The following TENM3 variants were observed in gnomAD, a reference collection of about 807,000 sequenced individuals.
TENM3 encodes teneurin transmembrane protein 3, also known as teneurin-3.
TENM3 carries 63 observed loss-of-function variants against 255.1 expected under a neutral mutation model. The ratio of observed to expected loss-of-function variants is 0.25; its 90% CI spans 0.20 to 0.30. The LOEUF is 0.30. TENM3 is among the 10% of genes least tolerant of loss of function. The probability of loss-of-function intolerance (pLI) is 1.00; values close to 1 mark genes in which losing one functional copy is unlikely to be tolerated. For synonymous variants in TENM3, 1,306 were observed against 1,322.3 expected (o/e 0.99, Z 0.27); for missense variants, 2,929 against 3,461.1 (o/e 0.85, Z 3.86).
At chr4:182,703,144 T>G (rs998104654) in intron 12 of TENM3, among the ~76,000 whole-genome samples, 10 of 152,240 alleles carry the variant, frequency 6.6e-5, no homozygotes, top group African/African-American at 2.4e-4. Flanking sequence ...AATTTTTATG[T>G]GTTGAAAATA....
At chr4:181,818,224 T>C in the TENM3 span, among the ~76,000 whole-genome samples, 1 of 152,226 alleles carries the variant, frequency 6.6e-6, no homozygotes, top group African/African-American at 2.4e-5. Context: ...ATTCTAGGTG[T>C]TACCATGAAG....
At chr4:181,857,315 G>C in the TENM3 span, among the ~76,000 whole-genome samples, 1 of 148,882 alleles carries the variant, frequency 6.7e-6, no homozygotes, top group African/African-American at 2.5e-5. Flanking sequence ...AAAGACAGAC[G>C]TCAGAGGGAA....
At chr4:181,652,321 A>G in the TENM3 span, among the ~76,000 whole-genome samples, 2 of 152,270 alleles carry the variant, frequency 1.3e-5, no homozygotes, top group Admixed American at 1.3e-4. Flanking sequence ...ACAATAAGAT[A>G]TACAGGCTAT....
rs560273988 is a variant in TENM3 at position 182,561,241 on chromosome 4, A to G, written c.512-39683A>G. On this transcript the variant is annotated intron_variant, in intron 3 of 27. Transcript: ENST00000511685. ...GCTCTGTAAATTTATTAAAAATTGT[A>G]TTTATGAATTCAAAATTTAAAATTA... 2.0e-5 allele frequency among the ~76,000 whole-genome samples: 3 copies of G among 152,092 alleles called. No homozygotes were observed. The East Asian group carries it at 5.8e-4, about 29-fold the overall frequency.
intron 3 of TENM3, among the ~76,000 whole-genome samples, chr4:182,593,796 C>CA (rs959719052): frequency 2.0e-5 from 3 of 152,172 alleles, no homozygotes; most frequent in Non-Finnish European, 4.4e-5. Flanking sequence ...GACATATACT[C>CA]ACACCAAGAT....
the TENM3 span, among the ~76,000 whole-genome samples, chr4:181,667,112 T>C: frequency 2.0e-5 from 3 of 152,296 alleles, no homozygotes; most frequent in East Asian, 5.8e-4. Flanking sequence ...ATCAAAACTT[T>C]TAATTTTGCT....
At chr4:181,614,680 G>A in the TENM3 span, among the ~76,000 whole-genome samples, 37 of 152,210 alleles carry the variant, frequency 2.4e-4, no homozygotes, top group Non-Finnish European at 3.7e-4. Flanking sequence ...GCTGAGAGAT[G>A]TCATCAAAAT....
chr4:181,553,527 C>T, the TENM3 span, among the ~76,000 whole-genome samples: 3 of 151,764 alleles, frequency 2.0e-5, no homozygotes, highest in East Asian at 1.9e-4. Context: ...CTGCAAGCTC[C>T]GCCTCCCGGG....
At chr4:182,032,673 A>C in the TENM3 span, among the ~76,000 whole-genome samples, 1 of 152,146 alleles carries the variant, frequency 6.6e-6, no homozygotes, top group African/African-American at 2.4e-5. Flanking sequence ...TTGTAAATCT[A>C]TCTGGTCCTG....
chr4:182,788,930 A>G (rs1474477956), intron 24 of TENM3, among the ~76,000 whole-genome samples, 163 bp from the exon 25 acceptor site: 1 of 152,224 alleles, frequency 6.6e-6, no homozygotes, highest in Non-Finnish European at 1.5e-5. Context: ...AAAACATTTT[A>G]AAAGAGCAGT....
At chr4:181,818,002 T>TTCTAGCAAA in the TENM3 span, among the ~76,000 whole-genome samples, 1 of 152,196 alleles carries the variant, frequency 6.6e-6, no homozygotes, top group Admixed American at 6.5e-5. Flanking sequence ...TGGACTTTCC[T>TTCTAGCAAA]TCTAGCAAAT....
At chr4:181,767,268 A>C in the TENM3 span, among the ~76,000 whole-genome samples, 1 of 149,918 alleles carries the variant, frequency 6.7e-6, no homozygotes, top group Non-Finnish European at 1.5e-5. Flanking sequence ...AAAAAAAAAA[A>C]AAAGAAAGAA....
chr4:181,725,833 A>G, the TENM3 span, among the ~76,000 whole-genome samples: 1 of 152,140 alleles, frequency 6.6e-6, no homozygotes, highest in Non-Finnish European at 1.5e-5. Flanking sequence ...AAGACTATCT[A>G]TTGTGTTCAT....
At chr4:182,101,382 A>T in the TENM3 span, among the ~76,000 whole-genome samples, 2 of 151,832 alleles carry the variant, frequency 1.3e-5, no homozygotes, top group South Asian at 2.1e-4. Context: ...GAAGGAAGGA[A>T]TCTTCAATAG....
chr4:181,888,825 G>A, the TENM3 span, among the ~76,000 whole-genome samples: 2 of 151,368 alleles, frequency 1.3e-5, no homozygotes, highest in Non-Finnish European at 2.9e-5. Context: ...GAGTGCCAAC[G>A]TCCAAGGGCA....
chr4:182,313,680 C>T (rs1438369873), intron 1 of TENM3, among the ~76,000 whole-genome samples: 1 of 151,922 alleles, frequency 6.6e-6, no homozygotes, highest in Non-Finnish European at 1.5e-5. Context: ...AAAAAAACAG[C>T]AAATATTGGG....
At chr4:182,198,536 C>T (rs956471756) in intron 1 of TENM3, among the ~76,000 whole-genome samples, 3 of 152,200 alleles carry the variant, frequency 2.0e-5, no homozygotes, top group East Asian at 1.9e-4. Flanking sequence ...GCGGATAGCC[C>T]GCTACTTTGG....
chr4:181,748,487 A>G, the TENM3 span, among the ~76,000 whole-genome samples: 5 of 152,108 alleles, frequency 3.3e-5, no homozygotes, highest in African/African-American at 1.2e-4. Context: ...AATCTATTTT[A>G]TAGATGGTAG....
the TENM3 span, among the ~76,000 whole-genome samples, chr4:182,074,955 TTTATGTCCAGA>T: frequency 1.3e-5 from 2 of 150,252 alleles, no homozygotes; most frequent in African/African-American, 5.0e-5. Flanking sequence ...TGTTTCAAAT[TTTATGTCCAGA>T]TTATGGCATA....
Sources: gnomAD v4.1 joint callset for allele counts (sites outside exome capture counted in the v4.1 genomes callset) on GRCh38, gnomAD v4.1.1 for gene constraint, MANE v1.5 for transcripts, NCBI Gene and HGNC (gene_info 2026-07-23, HGNC 2026-07-21) for gene names.